HSPG2: variants seen among roughly 807,000 people sequenced by gnomAD.
The protein encoded by HSPG2 is heparan sulfate proteoglycan 2.
Under a neutral mutation model 526.6 loss-of-function variants are expected in HSPG2, and 278 were observed. The observed-to-expected ratio is 0.53, with a 90% CI of 0.48 to 0.58. The LOEUF (loss-of-function observed/expected upper bound fraction) is 0.58. HSPG2 is among the 20% of genes least tolerant of loss of function. The pLI is 0.00. For synonymous variants in HSPG2, 2,465 were observed against 2,555.4 expected, an observed-to-expected ratio of 0.96 and a Z score of 1.07; for missense variants, 5,354 against 6,099.5, an observed-to-expected ratio of 0.88 and a Z score of 4.07.
intron 1 of HSPG2, among the ~76,000 whole-genome samples, chr1:21,917,130 A>T (rs923075315): frequency 2.0e-5 from 3 of 152,172 alleles, no homozygotes; most frequent in African/African-American, 7.2e-5. Context: ...TGATTTTTTC[A>T]CACTAAGAAA....
At chr1:21,873,348 C>T (rs1369610412) in intron 30 of HSPG2, 27 bp downstream of exon 30, 6 of 1,613,948 alleles carry the variant, frequency 3.7e-6, no homozygotes, top group Non-Finnish European at 4.2e-6. Context: ...GTAACCCGAC[C>T]CCAATGACCT....
chr1:21,863,073 A>AAAAC (rs1639943912), intron 37 of HSPG2, among the ~76,000 whole-genome samples: 1 of 139,512 alleles, frequency 7.2e-6, no homozygotes, highest in Non-Finnish European at 1.5e-5. Context: ...AAAAAAAAAA[A>AAAAC]AAAAAAAAAA....
At chr1:21,852,270 C>T in intron 52 of HSPG2, 37 bp from the exon 53 acceptor site, 1 of 1,613,392 alleles carries the variant, frequency 6.2e-7, no homozygotes. Context: ...GTTGTAGATG[C>T]TCCTGAGATG....
chr1:21,863,578 G>T (rs1304070604), intron 37 of HSPG2, among the ~76,000 whole-genome samples: 2 of 150,208 alleles, frequency 1.3e-5, no homozygotes, highest in African/African-American at 4.9e-5. Context: ...AAAAGTCAAG[G>T]TATAAAAAAT....
intron 80 of HSPG2, 99 bp downstream of exon 80, chr1:21,833,169 G>T: frequency 2.0e-6 from 2 of 998,704 alleles, no homozygotes; most frequent in Non-Finnish European, 3.2e-6. Flanking sequence ...GATTGGGGCA[G>T]GACTGAGGGG....
At chr1:21,834,590 A>T in intron 77 of HSPG2, 89 bp downstream of exon 77, 2 of 1,474,222 alleles carry the variant, frequency 1.4e-6, no homozygotes, top group Non-Finnish European at 1.9e-6. Flanking sequence ...AACAGAAAGG[A>T]AGAGCAGAGC....
chr1:21,896,988 C>T (rs1642798833), intron 1 of HSPG2, among the ~76,000 whole-genome samples: 1 of 152,214 alleles, frequency 6.6e-6, no homozygotes, highest in Non-Finnish European at 1.5e-5. Context: ...GTGGTGTCAA[C>T]TCCACGTGAC....
At position 21,834,810 on chromosome 1, in the gene HSPG2, C is replaced by T. The variant is rs200062985; in HGVS notation, c.10589G>A (p.Arg3530Gln). 124 of 1,614,234 alleles carry T rather than the reference C, an allele frequency of 7.7e-5. No homozygotes were observed. Among genetic ancestry groups the T allele is most frequent in the South Asian group, 2.6e-4 (24 of 91,084 alleles). The change falls in exon 77 of 97, where the codon CGG becomes CAG. Residue 3530 changes from arginine to glutamine, a missense_variant. By Grantham distance (43) the Arg-to-Gln change is conservative. Transcript: ENST00000374695. ...ACCTCCGCTCTGCACAATGCCTGGC[C>T]GCAGGTGCCCTCCAACTTTGCTCCA... ...VTWSKVGGHL[R>Q]PGIVQSGGVV...
At chr1:21,913,738 G>A (rs1483564869) in intron 1 of HSPG2, among the ~76,000 whole-genome samples, 1 of 152,234 alleles carries the variant, frequency 6.6e-6, no homozygotes, top group Non-Finnish European at 1.5e-5. Context: ...AAGATTGAGA[G>A]CTACCCCCAA....
rs751121921 is a variant in HSPG2, at chr1:21,876,482, C to T, written c.2826+30G>A. ...TTGGTCCATCCGGCCCAGGGCTTGG[C>T]GGTCCTGCCCGCCCACCTTGCAGAG... On this transcript the variant is annotated intron_variant, in intron 22 of 96. Coordinates refer to ENST00000374695, the MANE Select transcript of HSPG2 (RefSeq NM_005529.7). 21 of 1,613,068 alleles carry T rather than the reference C, an allele frequency of 1.3e-5. No individual in the cohort carries two copies. The Admixed American group carries it at 1.5e-4, about 12-fold the overall frequency.
chr1:21,922,233 GCGAACTCACC>G (rs1644060201), intron 1 of HSPG2, among the ~76,000 whole-genome samples: 1 of 152,194 alleles, frequency 6.6e-6, no homozygotes, highest in African/African-American at 2.4e-5. Flanking sequence ...GCTCAGAGAG[GCGAACTCACC>G]CGCCCAGGGT....
At chr1:21,853,128 G>T (rs1438194211) in intron 50 of HSPG2, 58 bp from the exon 51 acceptor site, 9 of 1,606,480 alleles carry the variant, frequency 5.6e-6, no homozygotes, top group Non-Finnish European at 6.8e-6. Context: ...CTGTAGCCCT[G>T]GGGCAGAAGG....
Position 21,864,973 on chromosome 1 carries a change from G to C in HSPG2, c.4496C>G (p.Ser1499Cys), listed in dbSNP as rs1240729522. The change falls in exon 36 of 97, where the codon TCC becomes TGC. Residue 1499 changes from serine (S) to cysteine (C), a missense_variant. By Grantham distance (112) the Ser-to-Cys change is moderately radical. Transcript: ENST00000374695. This position sits in a 1 kb window ranked among gnomAD's most constrained non-coding sequence, Gnocchi z 4.8. ...DELLIRATFS[S>C]VPLAASISAV... The stretch of plus-strand genomic sequence containing the variant: ...GCTGATGCTGGCCGCCAGCGGCACG[G>C]AGGAGAACGTGGCCCGGATCAGGAG... 1 of 1,594,302 alleles carries C rather than the reference G, an allele frequency of 6.3e-7. No homozygotes were observed. The highest frequency in any genetic ancestry group is 8.5e-7 in the Non-Finnish European group (1 of 1,172,398).
Position 21,839,841 on chromosome 1 carries a change from G to C in HSPG2, c.9690C>G (p.Thr3230=). 3 of 1,613,842 alleles carry C rather than the reference G, an allele frequency of 1.9e-6. No homozygotes were observed. Among genetic ancestry groups the C allele is most frequent in the Admixed American group, 1.7e-5 (1 of 60,024 alleles). Residue 3230 remains threonine (T), a synonymous_variant, in exon 72 of 97, where the codon ACC becomes ACG. Coordinates refer to ENST00000374695, the MANE Select transcript of HSPG2 (RefSeq NM_005529.7). The surrounding 1 kb of genome is among the most constrained non-coding windows in gnomAD (Gnocchi z 4.5). ...ELTVEAGHTA[T]LRCSATGSPA... is the part of the protein sequence containing the mutation. Reference sequence around the variant, plus strand: ...TCACACCTGTGGCTGAGCAGCGCAAGGTGGCCGTGTGTCCAGCCTCCACAG... The same window carrying C: ...TCACACCTGTGGCTGAGCAGCGCAACGTGGCCGTGTGTCCAGCCTCCACAG...
rs767349476 is a variant in HSPG2, at chr1:21,839,045, C to T, written c.9930G>A (p.Val3310=). The change falls in exon 74 of 97, where the codon GTG becomes GTA. Residue 3310 remains valine, a synonymous_variant. Transcript: ENST00000374695. This position sits in a 1 kb window ranked among gnomAD's most constrained non-coding sequence, Gnocchi z 4.5. ...GGAGCTGCACCGTCTCCCCTGCCTG[C>T]ACCGAAGCGTGCTCTGGGACCGTGG... is the stretch of plus-strand genomic sequence containing the variant. ...YATTVPEHAS[V]QAGETVQLQC... The T allele has an allele frequency of 1.3e-6, 2 of 1,596,494 alleles. No individual in the cohort carries two copies. The highest frequency in any genetic ancestry group is 2.7e-5 in the African/African-American group (2 of 74,622).
rs749582661 is a variant in HSPG2 at position 21,839,536 on chromosome 1, T to C, written c.9724A>G (p.Thr3242Ala). The change falls in exon 73 of 97, where the codon ACC becomes GCC. Residue 3242 changes from threonine (T) to alanine (A), a missense_variant. Transcript: ENST00000374695. This position sits in a 1 kb window ranked among gnomAD's most constrained non-coding sequence, Gnocchi z 4.5. Reference sequence around the variant, plus strand: ...GAACGCAGCTTGGACCAGTGGATGGTGGGCGCGGGGCTGCCTGTGGAGTCG... The same window carrying C: ...GAACGCAGCTTGGACCAGTGGATGGCGGGCGCGGGGCTGCCTGTGGAGTCG... The part of the protein sequence containing the change: ...RCSATGSPAP[T>A]IHWSKLRSPL... 13 of 1,613,200 alleles carry C rather than the reference T, an allele frequency of 8.1e-6. No homozygotes were observed. The highest frequency in any genetic ancestry group is 6.7e-5 in the Admixed American group (4 of 59,972).
chr1:21,825,563 A>G (rs1437899960), intron 91 of HSPG2, among the ~76,000 whole-genome samples: 1 of 152,058 alleles, frequency 6.6e-6, no homozygotes, highest in Non-Finnish European at 1.5e-5. Flanking sequence ...TCTGCTCATG[A>G]CCCATCCCAC....
At chr1:21,832,433 C>CA (rs2098008479) in intron 81 of HSPG2, 62 bp downstream of exon 81, 1 of 1,349,874 alleles carries the variant, frequency 7.4e-7, no homozygotes, top group African/African-American at 1.4e-5. Flanking sequence ...CCCAGGGTAG[C>CA]ACTTGCCAGA....
chr1:21,876,747 AC>A, intron 21 of HSPG2, 95 bp from the exon 22 acceptor site: 1 of 1,538,236 alleles, frequency 6.5e-7, no homozygotes. Context: ...AGAACCCAAG[AC>A]CCAGGGGAGC....
Sources: allele counts gnomAD v4.1 joint callset (sites outside exome capture counted in the v4.1 genomes callset), GRCh38; gene constraint gnomAD v4.1.1; non-coding constraint Gnocchi (gnomAD v3.1); transcripts MANE v1.5; gene names NCBI Gene and HGNC (gene_info 2026-07-23, HGNC 2026-07-21).